The following KDM4C variants were observed in gnomAD, a reference collection of about 807,000 sequenced individuals.
KDM4C encodes lysine-specific demethylase 4C.
In KDM4C, 81 loss-of-function variants were observed where a neutral mutation model predicts 129.3. That is an observed-to-expected ratio of 0.63 (90% confidence interval 0.52 to 0.75). The LOEUF is 0.75. Ranked by LOEUF, KDM4C falls within the 30% of genes least tolerant of loss-of-function variation. The pLI, the probability that KDM4C is intolerant of heterozygous loss-of-function variation, is 0.00. For synonymous variants in KDM4C, 573 were observed against 456.1 expected (o/e 1.26, Z -3.26); for missense variants, 1,457 against 1,304.0 (o/e 1.12, Z -1.81).
intron 8 of KDM4C, among the ~76,000 whole-genome samples, chr9:6,903,153 G>A (rs772879536): frequency 6.6e-6 from 1 of 152,032 alleles, no homozygotes; most frequent in African/African-American, 2.4e-5. Context: ...AGGTATTTTT[G>A]TAAGGCCTGA....
chr9:6,856,771 G>T (rs1357371981), intron 5 of KDM4C, among the ~76,000 whole-genome samples: 2 of 115,756 alleles, frequency 1.7e-5, no homozygotes, highest in African/African-American at 3.4e-5. Context: ...TTTTTTTTGA[G>T]ACGGAGTCTC....
intron 8 of KDM4C, among the ~76,000 whole-genome samples, chr9:6,949,702 C>A (rs996884467): frequency 2.0e-5 from 3 of 152,160 alleles, no homozygotes; most frequent in Admixed American, 6.5e-5. Context: ...ACCAGTCAGG[C>A]GTGGCGGCGC....
chr9:7,025,556 G>A (rs78672902), intron 15 of KDM4C, among the ~76,000 whole-genome samples: 9,115 of 152,088 alleles, frequency 0.06, 329 homozygotes, highest in East Asian at 0.12. Flanking sequence ...GATGAGTCTT[G>A]CAAATATTAT....
chr9:6,814,221 T>C (rs1235015970), intron 3 of KDM4C, among the ~76,000 whole-genome samples: 1 of 152,214 alleles, frequency 6.6e-6, no homozygotes, highest in Non-Finnish European at 1.5e-5. Flanking sequence ...TTATTTTAAC[T>C]TTACTTTCTT....
chr9:6,775,509 T>G (rs1822831076), intron 1 of KDM4C, among the ~76,000 whole-genome samples: 1 of 152,034 alleles, frequency 6.6e-6, no homozygotes, highest in Admixed American at 6.6e-5. Context: ...ACGCTAGAAT[T>G]TCTTGAGGCC....
intron 1 of KDM4C, among the ~76,000 whole-genome samples, chr9:6,779,860 G>A (rs939690185): frequency 6.6e-6 from 1 of 152,172 alleles, no homozygotes; most frequent in East Asian, 1.9e-4. Flanking sequence ...TCCTATTTGC[G>A]TTTTGATAAT....
At position 7,120,968 on chromosome 9, in the gene KDM4C, T is replaced by C. The variant is rs115046931; in HGVS notation, c.2611-7098T>C. Reference sequence around the variant, plus strand: ...TTTTTTATATGTAGTATTTCAGAAATTATTAAATATATAATCCATGAAAAA... The same window carrying C: ...TTTTTTATATGTAGTATTTCAGAAACTATTAAATATATAATCCATGAAAAA... On this transcript the variant is annotated intron_variant, in intron 18 of 21. Transcript: ENST00000381309. Among the ~76,000 whole-genome samples the C allele has an allele frequency of 5.4e-3, 815 of 152,274 alleles. 9 individuals carry two copies. The highest frequency in any genetic ancestry group is 0.018 in the African/African-American group (740 of 41,552).
intron 18 of KDM4C, among the ~76,000 whole-genome samples, chr9:7,125,720 G>C (rs560275026): frequency 2.0e-5 from 3 of 152,274 alleles, no homozygotes; most frequent in Admixed American, 2.0e-4. Flanking sequence ...AAAAGACTGG[G>C]GTTTAATGAG....
chr9:6,811,293 A>C (rs1831102057), intron 3 of KDM4C, among the ~76,000 whole-genome samples: 1 of 152,106 alleles, frequency 6.6e-6, no homozygotes, highest in South Asian at 2.1e-4. Context: ...AGCTGGGACC[A>C]CAGGTGCGTG....
rs191257427 is a variant in KDM4C, at chr9:7,005,221, A to G, written c.1787-6477A>G. Reference sequence around the variant, plus strand: ...GAGGCTGAGGTGGGCAGATCATCTGAGGTCAGGAGTTCAAGACCAGCCTGG... The same window carrying G: ...GAGGCTGAGGTGGGCAGATCATCTGGGGTCAGGAGTTCAAGACCAGCCTGG... On this transcript the variant is annotated intron_variant, in intron 12 of 21. Coordinates refer to ENST00000381309, the MANE Select transcript of KDM4C (RefSeq NM_015061.6). Among the ~76,000 whole-genome samples the G allele has an allele frequency of 2.9e-3, 446 of 152,228 alleles. 4 individuals carry two copies. The highest frequency in any genetic ancestry group is 9.4e-3 in the African/African-American group (389 of 41,542).
intron 8 of KDM4C, chr9:6,924,847 C>G (rs966522033): frequency 1.0e-6 from 1 of 982,954 alleles, no homozygotes; most frequent in Non-Finnish European, 1.2e-6. Context: ...ATAAGACAGG[C>G]TGTCCACTAT....
chr9:7,041,750 G>T (rs1232206543), intron 15 of KDM4C, among the ~76,000 whole-genome samples: 1 of 151,982 alleles, frequency 6.6e-6, no homozygotes, highest in Non-Finnish European at 1.5e-5. Flanking sequence ...GTCCACTCAG[G>T]TTTCAGGTGT....
intron 12 of KDM4C, among the ~76,000 whole-genome samples, chr9:6,995,733 G>A (rs903287543): frequency 6.6e-6 from 1 of 151,906 alleles, no homozygotes; most frequent in African/African-American, 2.4e-5. Flanking sequence ...GTGCAGTGGC[G>A]CAGTCTCAGC....
intron 17 of KDM4C, among the ~76,000 whole-genome samples, chr9:7,081,113 A>C (rs535524201): frequency 1.3e-5 from 2 of 152,348 alleles, no homozygotes; most frequent in African/African-American, 2.4e-5. Context: ...GTGAATGGGA[A>C]GGCTGAGTAA....
intron 8 of KDM4C, among the ~76,000 whole-genome samples, chr9:6,944,653 T>TTTTTTTTTTTG (rs1826571003): frequency 4.9e-5 from 2 of 41,236 alleles, no homozygotes; most frequent in African/African-American, 8.2e-5. Context: ...AAGGTAGAGG[T>TTTTTTTTTTTG]TTTTTTTTTT....
chr9:6,901,877 C>T (rs1015497489), intron 8 of KDM4C, among the ~76,000 whole-genome samples: 1 of 152,174 alleles, frequency 6.6e-6, no homozygotes, highest in Admixed American at 6.5e-5. Flanking sequence ...TATAGTGGCG[C>T]TTACAGACTT....
At chr9:6,967,760 A>G (rs531272367) in intron 8 of KDM4C, among the ~76,000 whole-genome samples, 2 of 152,314 alleles carry the variant, frequency 1.3e-5, no homozygotes, top group African/African-American at 4.8e-5. Flanking sequence ...CAGAGTTCAG[A>G]AGATCCGGGA....
intron 1 of KDM4C, among the ~76,000 whole-genome samples, chr9:6,740,385 A>G (rs896464328): frequency 6.6e-6 from 1 of 151,138 alleles, no homozygotes; most frequent in Admixed American, 6.6e-5. Flanking sequence ...TTGTATTTTT[A>G]GTAGAGATGG....
chr9:6,929,602 T>C (rs11789248), intron 8 of KDM4C, among the ~76,000 whole-genome samples: 38,299 of 151,582 alleles, frequency 0.25, 5,280 homozygotes, highest in South Asian at 0.39. Flanking sequence ...GTCACTGGTC[T>C]GTCCTAATGG....
Sources: allele counts gnomAD v4.1 joint callset (sites outside exome capture counted in the v4.1 genomes callset), GRCh38; gene constraint gnomAD v4.1.1; transcripts MANE v1.5; gene names NCBI Gene and HGNC (gene_info 2026-07-23, HGNC 2026-07-21).